PHF14: variants seen among roughly 807,000 people sequenced by gnomAD.
PHF14 encodes the protein PHD finger protein 14.
PHF14 carries 55 observed loss-of-function variants against 117.9 expected under a neutral mutation model. The ratio of observed to expected loss-of-function variants is 0.47; its 90% CI spans 0.38 to 0.58. The LOEUF is 0.58. Ranked by LOEUF, PHF14 falls within the 20% of genes least tolerant of loss-of-function variation. The pLI is 0.00. For synonymous variants in PHF14, 409 were observed against 368.6 expected (o/e 1.11, Z -1.26); for missense variants, 978 against 1,122.2 (o/e 0.87, Z 1.84).
chr7:11,038,878 T>A (rs1297033213), intron 11 of PHF14, 23 bp downstream of exon 11: 1 of 1,127,240 alleles, frequency 8.9e-7, no homozygotes, highest in South Asian at 1.4e-5. Flanking sequence ...CCAATTGCTG[T>A]CTCCTTCAGT....
At chr7:11,105,091 C>A (rs1787215046) in intron 16 of PHF14, 2 of 947,914 alleles carry the variant, frequency 2.1e-6, no homozygotes, top group African/African-American at 3.5e-5. Flanking sequence ...AGAAAGAAAT[C>A]AATAAACATA....
intron 2 of PHF14, among the ~76,000 whole-genome samples, chr7:10,976,648 G>A (rs2128306824): frequency 6.6e-6 from 1 of 151,990 alleles, no homozygotes; most frequent in South Asian, 2.1e-4. Flanking sequence ...CAAACATAAA[G>A]TACTTTCTCA....
At chr7:10,986,758 GCAGTGTACTATTTT>G (rs1402429362) in intron 3 of PHF14, among the ~76,000 whole-genome samples, 2 of 152,114 alleles carry the variant, frequency 1.3e-5, no homozygotes, top group African/African-American at 4.8e-5. Flanking sequence ...TTTGGGGACG[GCAGTGTACTATTTT>G]CAGAAATGGT....
chr7:10,981,776 G>T (rs1782051352), intron 2 of PHF14, among the ~76,000 whole-genome samples: 1 of 152,114 alleles, frequency 6.6e-6, no homozygotes, highest in East Asian at 1.9e-4. Flanking sequence ...CATTGCTGTT[G>T]TCTCTTTTCA....
intron 8 of PHF14, among the ~76,000 whole-genome samples, chr7:11,036,120 T>G (rs1488346588): frequency 6.6e-5 from 10 of 152,154 alleles, no homozygotes; most frequent in African/African-American, 1.2e-4. Flanking sequence ...AAATATAATT[T>G]TATATACATT....
intron 7 of PHF14, among the ~76,000 whole-genome samples, chr7:11,030,015 T>C (rs963560651): frequency 2.6e-5 from 4 of 151,900 alleles, no homozygotes; most frequent in Non-Finnish European, 4.4e-5. Context: ...CTTATAGGAA[T>C]TGTATTTTTG....
intron 16 of PHF14, chr7:11,062,991 G>T: frequency 1.2e-6 from 1 of 841,662 alleles, no homozygotes; most frequent in Non-Finnish European, 1.4e-6. Context: ...TAAACATATT[G>T]ATAAAACAAA....
chr7:11,042,871 G>A (rs1784542584), intron 13 of PHF14, 57 bp downstream of exon 13: 20 of 1,210,026 alleles, frequency 1.7e-5, no homozygotes, highest in Non-Finnish European at 9.3e-6. Flanking sequence ...AGTTTCAGCA[G>A]TATAAGATGA....
intron 16 of PHF14, chr7:11,108,744 T>C (rs1172687763): frequency 2.0e-5 from 3 of 151,774 alleles, no homozygotes; most frequent in Admixed American, 6.6e-5. Context: ...GGAACTGTGT[T>C]AGTGTAGCAA....
intron 16 of PHF14, chr7:11,109,102 T>G (rs1787361504): frequency 6.6e-6 from 1 of 151,792 alleles, no homozygotes; most frequent in African/African-American, 2.4e-5. Context: ...CAGTAGCAAT[T>G]ATCATTTTCA....
chr7:11,029,152 TGTATTTGG>T (rs1188309880), intron 7 of PHF14, among the ~76,000 whole-genome samples: 2 of 152,218 alleles, frequency 1.3e-5, no homozygotes, highest in Non-Finnish European at 2.9e-5. Context: ...AAGCTGAAAC[TGTATTTGG>T]GTAACCTTGC....
chr7:10,984,415 C>T (rs1782146941), intron 3 of PHF14, among the ~76,000 whole-genome samples: 1 of 152,092 alleles, frequency 6.6e-6, no homozygotes, highest in Non-Finnish European at 1.5e-5. Flanking sequence ...GGAAAGTTGT[C>T]ATTTGGGAAA....
At chr7:11,151,906 C>G (rs561791666) in intron 17 of PHF14, among the ~76,000 whole-genome samples, 1 of 152,148 alleles carries the variant, frequency 6.6e-6, no homozygotes, top group Non-Finnish European at 1.5e-5. Context: ...GAAGCTGATC[C>G]TTGTACATTT....
At chr7:11,026,907 A>C (rs1303279501) in intron 6 of PHF14, among the ~76,000 whole-genome samples, 2 of 152,150 alleles carry the variant, frequency 1.3e-5, no homozygotes, top group African/African-American at 4.8e-5. Flanking sequence ...CTGCAAAATC[A>C]GATACAATGT....
At chr7:11,151,361 G>A (rs1393714767) in intron 17 of PHF14, among the ~76,000 whole-genome samples, 3 of 152,040 alleles carry the variant, frequency 2.0e-5, no homozygotes, top group Non-Finnish European at 4.4e-5. Flanking sequence ...TTTGAGACCA[G>A]CCTAGGCAAC....
At chr7:11,159,908 A>G (rs1788974277) in intron 17 of PHF14, among the ~76,000 whole-genome samples, 1 of 152,192 alleles carries the variant, frequency 6.6e-6, no homozygotes, top group African/African-American at 2.4e-5. Context: ...TCAACTTAAT[A>G]AAAAGGTTTT....
intron 4 of PHF14, among the ~76,000 whole-genome samples, chr7:10,998,223 A>T (rs1020166711): frequency 6.6e-6 from 1 of 152,182 alleles, no homozygotes; most frequent in Non-Finnish European, 1.5e-5. Flanking sequence ...ATGGGTCCAG[A>T]TGTAGCTAGG....
chr7:11,090,688 C>T (rs1308056070), intron 16 of PHF14, among the ~76,000 whole-genome samples: 1 of 152,146 alleles, frequency 6.6e-6, no homozygotes, highest in East Asian at 1.9e-4. Flanking sequence ...TGTTTCTTCT[C>T]ACCAGATTTA....
chr7:11,145,182 TG>T (rs1263661142), intron 17 of PHF14, among the ~76,000 whole-genome samples: 1 of 152,020 alleles, frequency 6.6e-6, no homozygotes, highest in Non-Finnish European at 1.5e-5. Flanking sequence ...GGAACTCACC[TG>T]GTTTGAAAGG....
Sources: gnomAD v4.1 joint callset for allele counts (sites outside exome capture counted in the v4.1 genomes callset) on GRCh38, gnomAD v4.1.1 for gene constraint, MANE v1.5 for transcripts, NCBI Gene and HGNC (gene_info 2026-07-23, HGNC 2026-07-21) for gene names.